The following CTNND2 variants were observed in gnomAD, a reference collection of about 807,000 sequenced individuals.
CTNND2 encodes the protein catenin delta-2.
Under a neutral mutation model 144.4 loss-of-function variants are expected in CTNND2, and 22 were observed. That is an observed-to-expected ratio of 0.15 (90% CI 0.11 to 0.22). CTNND2 has a LOEUF of 0.22. Among genes scored for constraint, CTNND2 ranks in the 10% least tolerant of loss-of-function variants. The pLI is 1.00. For missense variants in CTNND2, 1,353 were observed against 1,618.8 expected (o/e 0.84, Z 2.82); for synonymous variants, 751 against 695.6 (o/e 1.08, Z -1.25).
intron 1 of CTNND2, among the ~76,000 whole-genome samples, chr5:11,768,736 T>C (rs1002046567): frequency 6.6e-5 from 10 of 152,182 alleles, no homozygotes; most frequent in Non-Finnish European, 1.0e-4. Context: ...CAATCATTTG[T>C]GAGGACAAAC....
chr5:11,886,686 A>T (rs1238453848), intron 1 of CTNND2, among the ~76,000 whole-genome samples: 1 of 152,224 alleles, frequency 6.6e-6, no homozygotes, highest in Non-Finnish European at 1.5e-5. Context: ...TCTAAGAATT[A>T]CACGGGTTGT....
At chr5:11,239,595 C>T (rs1452746653) in intron 9 of CTNND2, among the ~76,000 whole-genome samples, 3 of 152,336 alleles carry the variant, frequency 2.0e-5, no homozygotes, top group Non-Finnish European at 2.9e-5. Flanking sequence ...TTTCCTGCTC[C>T]ACACCCTACT....
chr5:11,106,949 C>T (rs775799837), intron 14 of CTNND2, among the ~76,000 whole-genome samples: 1 of 152,104 alleles, frequency 6.6e-6, no homozygotes, highest in Non-Finnish European at 1.5e-5. Context: ...GAGCCAGAAT[C>T]GTGACCATGG....
intron 1 of CTNND2, among the ~76,000 whole-genome samples, chr5:11,736,252 C>G (rs528490126): frequency 6.6e-6 from 1 of 152,296 alleles, no homozygotes; most frequent in South Asian, 2.1e-4. Flanking sequence ...TTAATAGGCA[C>G]TGAATCAAGG....
At chr5:11,100,192 C>T (rs988131533) in intron 14 of CTNND2, among the ~76,000 whole-genome samples, 1 of 152,156 alleles carries the variant, frequency 6.6e-6, no homozygotes, top group Non-Finnish European at 1.5e-5. Flanking sequence ...AGCTAAACTG[C>T]ATGTCTTCTT....
chr5:11,282,509 G>C (rs145200797), intron 9 of CTNND2, among the ~76,000 whole-genome samples: 129 of 152,190 alleles, frequency 8.5e-4, no homozygotes, highest in African/African-American at 2.7e-3. Context: ...AAAGATGAAC[G>C]CTACAGCCTC....
chr5:11,616,551 C>T (rs954827844), intron 2 of CTNND2, among the ~76,000 whole-genome samples: 1 of 151,000 alleles, frequency 6.6e-6, no homozygotes, highest in African/African-American at 2.4e-5. Context: ...TGCTTCCTTT[C>T]TCCCTCCCTC....
intron 1 of CTNND2, among the ~76,000 whole-genome samples, chr5:11,884,710 A>T (rs1284997462): frequency 3.3e-5 from 5 of 152,112 alleles, no homozygotes; most frequent in Non-Finnish European, 7.4e-5. Context: ...GAAAAAAAGT[A>T]GAAAAAGTGG....
At chr5:11,210,372 T>C (rs1738505255) in intron 10 of CTNND2, among the ~76,000 whole-genome samples, 1 of 152,188 alleles carries the variant, frequency 6.6e-6, no homozygotes. Flanking sequence ...TACTCCAGCC[T>C]GGATGACAGA....
At chr5:11,249,718 G>A (rs1282651344) in intron 9 of CTNND2, among the ~76,000 whole-genome samples, 1 of 151,752 alleles carries the variant, frequency 6.6e-6, no homozygotes, top group African/African-American at 2.4e-5. Context: ...GTTTTAACCT[G>A]AAATACATTA....
At chr5:11,787,991 C>A (rs1421953196) in intron 1 of CTNND2, among the ~76,000 whole-genome samples, 4 of 152,148 alleles carry the variant, frequency 2.6e-5, no homozygotes, top group African/African-American at 9.7e-5. Context: ...AAGTTTACTG[C>A]TTTGAAGAAT....
intron 9 of CTNND2, among the ~76,000 whole-genome samples, chr5:11,326,791 A>T (rs1752580024): frequency 6.6e-6 from 1 of 152,186 alleles, no homozygotes; most frequent in Admixed American, 6.5e-5. Flanking sequence ...AGATCAGGGC[A>T]TCTTTAACAT....
chr5:11,207,178 T>G (rs760558200), intron 10 of CTNND2, among the ~76,000 whole-genome samples: 1 of 151,618 alleles, frequency 6.6e-6, no homozygotes, highest in East Asian at 1.9e-4. Flanking sequence ...TAAGTGGGAG[T>G]TGAACGATGA....
At chr5:11,257,522 AT>A (rs1286266667) in intron 9 of CTNND2, among the ~76,000 whole-genome samples, 5 of 152,208 alleles carry the variant, frequency 3.3e-5, no homozygotes, top group African/African-American at 1.2e-4. Flanking sequence ...AGGAGAGAGA[AT>A]AAGTGCCAGC....
intron 19 of CTNND2, 123 bp downstream of exon 19, chr5:10,992,428 A>G: frequency 3.0e-6 from 4 of 1,353,056 alleles, no homozygotes; most frequent in South Asian, 1.2e-5. Flanking sequence ...TTCATTTCCT[A>G]CTTCTAGCGA....
At chr5:11,644,356 A>G (rs1307942983) in intron 2 of CTNND2, among the ~76,000 whole-genome samples, 1 of 152,196 alleles carries the variant, frequency 6.6e-6, no homozygotes, top group African/African-American at 2.4e-5. Flanking sequence ...TCCAACTACT[A>G]TAAGAGTTAA....
chr5:11,736,295 C>T (rs1413716294), intron 1 of CTNND2, among the ~76,000 whole-genome samples: 1 of 152,226 alleles, frequency 6.6e-6, no homozygotes, highest in Non-Finnish European at 1.5e-5. Flanking sequence ...GTGTGACCCA[C>T]ACAGTATGGG....
At chr5:11,555,596 G>C (rs965737111) in intron 3 of CTNND2, among the ~76,000 whole-genome samples, 1 of 152,044 alleles carries the variant, frequency 6.6e-6, no homozygotes, top group African/African-American at 2.4e-5. Flanking sequence ...GACCCAAAAA[G>C]TATTTTAGAA....
chr5:11,141,929 T>C (rs1170093218), intron 12 of CTNND2, among the ~76,000 whole-genome samples: 1 of 152,162 alleles, frequency 6.6e-6, no homozygotes, highest in Non-Finnish European at 1.5e-5. Context: ...GATTAACATT[T>C]TTATGGGAGT....
Sources: gnomAD v4.1 joint callset for allele counts (sites outside exome capture counted in the v4.1 genomes callset) on GRCh38, gnomAD v4.1.1 for gene constraint, MANE v1.5 for transcripts, NCBI Gene and HGNC (gene_info 2026-07-23, HGNC 2026-07-21) for gene names.